ACYP2: variants seen among roughly 807,000 people sequenced by gnomAD.
ACYP2 encodes acylphosphatase-2.
A neutral mutation model predicts 11.2 loss-of-function variants in ACYP2; 12 were observed. That is an observed-to-expected ratio of 1.08 (90% CI 0.69 to 1.74). The LOEUF is 1.74. Ranked by LOEUF, ACYP2 falls within the 40% of genes most tolerant of loss-of-function variation. ACYP2 has a pLI of 0.00. For missense variants in ACYP2, 134 were observed against 101.9 expected (o/e 1.31, Z -1.35); for synonymous variants, 43 against 32.2 (o/e 1.33, Z -1.13).
chr2:54,098,095 T>C (rs1011573600), intron 4 of ACYP2, among the ~76,000 whole-genome samples: 30 of 151,826 alleles, frequency 2.0e-4, no homozygotes, highest in African/African-American at 6.8e-4. Context: ...CCCCAGTAGC[T>C]GGTATTATAG....
intron 6 of ACYP2, among the ~76,000 whole-genome samples, chr2:54,290,225 G>A (rs1176486711): frequency 6.6e-6 from 1 of 152,092 alleles, no homozygotes; most frequent in African/African-American, 2.4e-5. Context: ...GGGCGAGGCC[G>A]TGGCTGCCTG....
intron 2 of ACYP2, among the ~76,000 whole-genome samples, chr2:53,992,775 G>A (rs924644955): frequency 2.7e-5 from 4 of 147,482 alleles, no homozygotes; most frequent in Non-Finnish European, 4.4e-5. Flanking sequence ...AGGTTGCAGC[G>A]AGCTGAGACC....
At chr2:54,115,621 C>A (rs775775367) in intron 4 of ACYP2, 4 of 1,563,652 alleles carry the variant, frequency 2.6e-6, no homozygotes, top group African/African-American at 1.4e-5. Flanking sequence ...TCCCATGTGT[C>A]CCCTCCCTCT....
At chr2:54,209,863 C>G (rs558756030) in intron 6 of ACYP2, among the ~76,000 whole-genome samples, 1 of 151,882 alleles carries the variant, frequency 6.6e-6, no homozygotes, top group African/African-American at 2.4e-5. Context: ...AAATCAAGGC[C>G]GGCGCAGTGG....
At chr2:54,287,071 T>C (rs888973117) in intron 6 of ACYP2, among the ~76,000 whole-genome samples, 2 of 152,046 alleles carry the variant, frequency 1.3e-5, no homozygotes, top group African/African-American at 4.8e-5. Context: ...TGTGCTGCTA[T>C]AACAAAATAT....
intron 4 of ACYP2, among the ~76,000 whole-genome samples, chr2:54,107,319 T>A (rs1321887688): frequency 6.6e-6 from 1 of 152,250 alleles, no homozygotes; most frequent in Non-Finnish European, 1.5e-5. Context: ...ATTTATTCTA[T>A]AATCTTTCAA....
intron 6 of ACYP2, among the ~76,000 whole-genome samples, chr2:54,218,603 T>TTAAAGTAACA (rs1406242032): frequency 1.3e-5 from 2 of 152,198 alleles, no homozygotes; most frequent in Admixed American, 1.3e-4. Flanking sequence ...GGAAATCCAA[T>TTAAAGTAACA]TAAAGTAACA....
intron 5 of ACYP2, among the ~76,000 whole-genome samples, chr2:54,136,509 G>T (rs905006486): frequency 6.6e-6 from 1 of 151,978 alleles, no homozygotes; most frequent in Non-Finnish European, 1.5e-5. Context: ...CCAAAATTCA[G>T]ATTGTCTCCA....
chr2:54,187,529 T>A (rs995264116), intron 6 of ACYP2, among the ~76,000 whole-genome samples: 1 of 151,908 alleles, frequency 6.6e-6, no homozygotes, highest in Non-Finnish European at 1.5e-5. Flanking sequence ...CAGAAAGAGA[T>A]GTAGGGAAGG....
At chr2:54,224,119 C>A (rs1478798799) in intron 6 of ACYP2, among the ~76,000 whole-genome samples, 1 of 152,122 alleles carries the variant, frequency 6.6e-6, no homozygotes. Context: ...TTTTGTGTGA[C>A]CTAGATCAAA....
At chr2:54,162,991 A>C (rs979762868) in intron 6 of ACYP2, among the ~76,000 whole-genome samples, 11 of 152,198 alleles carry the variant, frequency 7.2e-5, no homozygotes, top group Admixed American at 3.9e-4. Context: ...CAGAAAAGAA[A>C]AAGAAAAATT....
intron 6 of ACYP2, among the ~76,000 whole-genome samples, chr2:54,176,990 A>G (rs950819457): frequency 6.6e-6 from 1 of 152,178 alleles, no homozygotes; most frequent in South Asian, 2.1e-4. Flanking sequence ...GCACTTCACA[A>G]CAAACCCGCA....
chr2:54,064,250 T>C (rs1049972813), intron 4 of ACYP2, among the ~76,000 whole-genome samples: 1 of 152,194 alleles, frequency 6.6e-6, no homozygotes, highest in East Asian at 1.9e-4. Flanking sequence ...CTTCCCATTA[T>C]AGAAGCTCAG....
At chr2:54,036,619 G>C (rs1674917511) in intron 2 of ACYP2, among the ~76,000 whole-genome samples, 1 of 152,210 alleles carries the variant, frequency 6.6e-6, no homozygotes, top group Non-Finnish European at 1.5e-5. Context: ...CTGTCCCCAA[G>C]ATAGAGATTT....
intron 6 of ACYP2, chr2:54,255,953 C>G (rs747795660): frequency 1.9e-5 from 31 of 1,614,048 alleles, no homozygotes; most frequent in Non-Finnish European, 2.5e-5. Flanking sequence ...GTATGGCCAC[C>G]ATCTGCGGGA....
intron 2 of ACYP2, among the ~76,000 whole-genome samples, chr2:53,982,832 G>GTGTGT (rs1671838095): frequency 1.6e-5 from 1 of 62,644 alleles, no homozygotes; most frequent in African/African-American, 4.9e-5. Flanking sequence ...ACAAGACTGT[G>GTGTGT]TGTGTGTGTG....
chr2:54,248,842 C>T (rs1315122384), intron 6 of ACYP2, among the ~76,000 whole-genome samples: 1 of 152,118 alleles, frequency 6.6e-6, no homozygotes, highest in African/African-American at 2.4e-5. Flanking sequence ...AGAGTATATG[C>T]TACAAGAGGT....
At chr2:54,208,875 G>T (rs960949965) in intron 6 of ACYP2, among the ~76,000 whole-genome samples, 1 of 152,000 alleles carries the variant, frequency 6.6e-6, no homozygotes, top group Non-Finnish European at 1.5e-5. Flanking sequence ...GTGTGTGTGT[G>T]TGCATATATG....
At chr2:53,995,984 A>C (rs1672554904) in intron 2 of ACYP2, among the ~76,000 whole-genome samples, 1 of 152,036 alleles carries the variant, frequency 6.6e-6, no homozygotes, top group African/African-American at 2.4e-5. Context: ...ATTACAAAAA[A>C]TTAGCTGGGC....
Sources: gnomAD v4.1 joint callset for allele counts (sites outside exome capture counted in the v4.1 genomes callset) on GRCh38, gnomAD v4.1.1 for gene constraint, MANE v1.5 for transcripts, NCBI Gene and HGNC (gene_info 2026-07-23, HGNC 2026-07-21) for gene names.